AARSD1: variants seen among roughly 807,000 people sequenced by gnomAD.
AARSD1 encodes alanyl-tRNA editing protein Aarsd1.
In AARSD1, 44 loss-of-function variants were observed where a neutral mutation model predicts 48.7. The observed-to-expected ratio is 0.90, with a 90% CI of 0.71 to 1.16. The LOEUF is 1.16. Among genes scored for constraint, AARSD1 ranks in the 50% most tolerant of loss-of-function variants. The pLI is 0.00. For synonymous variants in AARSD1, 189 were observed against 194.9 expected (o/e 0.97, Z 0.25); for missense variants, 511 against 523.1 (o/e 0.98, Z 0.23).
intron 10 of AARSD1, chr17:42,952,101 A>G: frequency 1.8e-6 from 1 of 555,038 alleles, no homozygotes; most frequent in East Asian, 2.9e-5. Context: ...CTTAGGTGAA[A>G]CATTAAGAAG....
intron 11 of AARSD1, among the ~76,000 whole-genome samples, chr17:42,951,031 C>A (rs980018459): frequency 6.6e-6 from 1 of 151,870 alleles, no homozygotes; most frequent in Admixed American, 6.6e-5. Flanking sequence ...TGGTGGTATG[C>A]GCCATAATCC....
chr17:42,961,299 C>A lies in AARSD1; in HGVS notation c.224G>T (p.Arg75Leu), dbSNP rs370491402. 4.3e-6 allele frequency: 7 copies of A among 1,614,034 alleles called. No homozygotes were observed. The African/African-American group carries it at 8.0e-5, about 18-fold the overall frequency. ...GGTGAAATGATCAGCCTGTTCCCCA[C>A]GGCGAGTCACTCTCAGCACAGAGAT... ...NDISVLRVTRRGEQADHFTQT... is the reference protein window; with the variant it reads ...NDISVLRVTRLGEQADHFTQT... The change falls in exon 3 of 12, where the codon CGT (arginine) becomes CTT (leucine). Residue 75 changes from arginine to leucine, a missense_variant. Physicochemically the swap from Arg to Leu is moderately radical, Grantham distance 102. Transcript: ENST00000427569.
At chr17:42,951,928 C>T in intron 10 of AARSD1, 34 bp from the exon 11 acceptor site, 2 of 1,609,086 alleles carry the variant, frequency 1.2e-6, no homozygotes, top group South Asian at 1.1e-5. Flanking sequence ...AGCTCTGATA[C>T]TGAAGGATGT....
chr17:42,951,158 CAA>C (rs1442921546), intron 11 of AARSD1, among the ~76,000 whole-genome samples: 2 of 152,102 alleles, frequency 1.3e-5, no homozygotes, highest in African/African-American at 4.8e-5. Context: ...AACTTTGTCT[CAA>C]AAAAACACTT....
intron 10 of AARSD1, 105 bp from the exon 11 acceptor site, chr17:42,951,999 AACCACCAAGTG>A: frequency 7.8e-7 from 1 of 1,282,206 alleles, no homozygotes; most frequent in Non-Finnish European, 1.1e-6. Flanking sequence ...TTTCCCCCTA[AACCACCAAGTG>A]ACGCTCCTGA....
chr17:42,952,012 C>G (rs920022690), intron 10 of AARSD1, 118 bp from the exon 11 acceptor site: 2 of 1,175,214 alleles, frequency 1.7e-6, no homozygotes, highest in African/African-American at 3.0e-5. Flanking sequence ...CACCAAGTGA[C>G]GCTCCTGATG....
intron 10 of AARSD1, 54 bp downstream of exon 10, chr17:42,953,670 T>C (rs2049508332): frequency 6.2e-7 from 1 of 1,613,392 alleles, no homozygotes; most frequent in Non-Finnish European, 8.5e-7. Context: ...CCCTCACTTA[T>C]GTCTCCCTAG....
intron 2 of AARSD1, 101 bp from the exon 3 acceptor site, chr17:42,961,452 CTAAGG>C: frequency 6.5e-7 from 1 of 1,546,132 alleles, no homozygotes. Context: ...TCTGGGCTCC[CTAAGG>C]GAGAGGGAGA....
chr17:42,953,979 T>C (rs2049512736), intron 9 of AARSD1: 1 of 623,338 alleles, frequency 1.6e-6, no homozygotes, highest in African/African-American at 1.8e-5. Flanking sequence ...ACCTCCAGGT[T>C]TGTTTCCATC....
At position 42,950,614 on chromosome 17, in the gene AARSD1, G is replaced by A; in HGVS notation, c.1218C>T (p.Ser406=). 1 of 1,614,010 alleles carries A rather than the reference G, an allele frequency of 6.2e-7. No individual in the cohort carries two copies. The highest frequency in any genetic ancestry group is 1.7e-4 in the Middle Eastern group (1 of 6,054). The change falls in exon 12 of 12, where the codon AGC becomes AGT. Residue 406 remains serine (S), a synonymous_variant. Transcript: ENST00000427569. ...GCCCTCACTCCTTAGCACTCTGCGT[G>A]CTGATGTAGTCCTGGAGAAGCGCCT... ...EAQALLQDYI[S]TQSAKE is the part of the protein sequence containing the mutation.
intron 5 of AARSD1, 32 bp downstream of exon 5, chr17:42,956,372 C>G: frequency 4.3e-6 from 7 of 1,614,008 alleles, no homozygotes; most frequent in Non-Finnish European, 5.9e-6. Context: ...GGAATCATTC[C>G]GCAGAAACCA....
intron 2 of AARSD1, chr17:42,962,248 C>T (rs1337703527): frequency 1.1e-5 from 3 of 280,864 alleles, no homozygotes; most frequent in Non-Finnish European, 7.7e-6. Context: ...TGCAGTAAGC[C>T]GAGATCACGC....
At chr17:42,955,294 A>C (rs1211053849) in intron 7 of AARSD1, 70 bp from the exon 8 acceptor site, 1 of 1,590,202 alleles carries the variant, frequency 6.3e-7, no homozygotes, top group Non-Finnish European at 8.6e-7. Context: ...ACATAAATCA[A>C]TAATTTCCTT....
Position 42,956,310 on chromosome 17 carries a change from C to T in AARSD1, c.557G>A (p.Arg186Gln), listed in dbSNP as rs769933004. The stretch of plus-strand genomic sequence containing the variant: ...CCCAGCATGATCATCAGGCAAACCC[C>T]GGCCACTCACCTGGACTCAAGGAGA... Reference protein sequence around the residue: ...DDPEVEQVSGRGLPDDHAGPI... With the variant: ...DDPEVEQVSGQGLPDDHAGPI... Residue 186 changes from arginine (R) to glutamine (Q), a missense_variant, in exon 6 of 12, where the codon CGG (arginine) becomes CAG (glutamine). By Grantham distance (43) the Arg-to-Gln change is conservative. Transcript: ENST00000427569. 1.2e-5 allele frequency: 20 copies of T among 1,613,996 alleles called. No homozygotes were observed. In the East Asian group the frequency reaches 1.3e-4, roughly 11 times the overall value.
intron 7 of AARSD1, chr17:42,955,578 A>G: frequency 6.2e-6 from 3 of 481,010 alleles, no homozygotes; most frequent in Non-Finnish European, 7.2e-6. Flanking sequence ...AGCTGGGACT[A>G]CAGGCGCCCA....
At chr17:42,955,640 A>C in intron 7 of AARSD1, 4 of 753,738 alleles carry the variant, frequency 5.3e-6, no homozygotes, top group Non-Finnish European at 8.0e-6. Context: ...ACGGGGTTTC[A>C]CGGTGTTAGC....
Position 42,951,655 on chromosome 17 carries a change from T to C in AARSD1, c.1103+145A>G, listed in dbSNP as rs1036099488. ...GTCAAACTGGAAATGACAGTAGTAATAATTATCTCTGCTCAGCCCACCTCA... is the reference window on the plus strand; with the variant it reads ...GTCAAACTGGAAATGACAGTAGTAACAATTATCTCTGCTCAGCCCACCTCA... On this transcript the variant is annotated intron_variant, in intron 11 of 11. Coordinates refer to ENST00000427569, the MANE Select transcript of AARSD1 (RefSeq NM_001261434.2). The C allele has an allele frequency of 3.6e-5, 28 of 784,822 alleles. No individual in the cohort carries two copies. In the South Asian group the frequency reaches 5.0e-4, roughly 14 times the overall value. 48.6% of individuals were successfully genotyped at this position (784,822 alleles called of 1,614,324 possible).
chr17:42,955,144 A>G lies in AARSD1; in HGVS notation c.861+14T>C, dbSNP rs1567715551. ...AGGGCCCATGCCCTCTCTACCCTCC[A>G]TGGAATAAATCACCTTCTGCAGGAT... is the stretch of plus-strand genomic sequence containing the variant. On this transcript the variant is annotated intron_variant, in intron 8 of 11. Transcript: ENST00000427569. 2 of 1,614,102 alleles carry G rather than the reference A, an allele frequency of 1.2e-6. No homozygotes were observed. The highest frequency in any genetic ancestry group is 1.7e-6 in the Non-Finnish European group (2 of 1,180,010).
chr17:42,961,146 T>C lies in AARSD1; in HGVS notation c.331+46A>G, dbSNP rs755819316. ...CGTCTCAGTCATCACAGCATCCCCA[T>C]ACATGGCAACTGCTCCGGTGTTATG... On this transcript the variant is annotated intron_variant, in intron 3 of 11. Transcript: ENST00000427569. 1.1e-5 allele frequency: 18 copies of C among 1,572,742 alleles called. No individual in the cohort carries two copies. The South Asian group carries it at 2.1e-4, about 18-fold the overall frequency.
Sources: gnomAD v4.1 joint callset for allele counts (sites outside exome capture counted in the v4.1 genomes callset) on GRCh38, gnomAD v4.1.1 for gene constraint, MANE v1.5 for transcripts, NCBI Gene and HGNC (gene_info 2026-07-23, HGNC 2026-07-21) for gene names.